Variants in CWF19L1 observed in about 807,000 individuals in gnomAD.
CWF19L1 encodes CWF19-like protein 1.
A neutral mutation model predicts 69.7 loss-of-function variants in CWF19L1; 60 were observed. That is an observed-to-expected ratio of 0.86 (90% CI 0.70 to 1.07). The LOEUF (loss-of-function observed/expected upper bound fraction) is 1.07. CWF19L1 is among the 50% of genes least tolerant of loss of function. The pLI is 0.00. For synonymous variants in CWF19L1, 209 were observed against 222.2 expected (o/e 0.94, Z 0.53); for missense variants, 591 against 638.9 (o/e 0.92, Z 0.81).
chr10:100,260,350 A>G (rs1332137359), intron 3 of CWF19L1, 31 bp from the exon 4 acceptor site: 11 of 1,240,260 alleles, frequency 8.9e-6, no homozygotes, highest in Non-Finnish European at 1.3e-5. Context: ...GACACCATAT[A>G]GTTACCAGAT....
At chr10:100,244,967 T>C (rs1463687980) in intron 9 of CWF19L1, among the ~76,000 whole-genome samples, 1 of 152,016 alleles carries the variant, frequency 6.6e-6, no homozygotes, top group Non-Finnish European at 1.5e-5. Context: ...TACATAATTC[T>C]AGATAAAAAT....
chr10:100,246,988 G>A, intron 7 of CWF19L1, 53 bp from the exon 8 acceptor site: 6 of 1,474,952 alleles, frequency 4.1e-6, no homozygotes, highest in South Asian at 1.3e-5. Flanking sequence ...TTACCCAACT[G>A]TAATCAACCT....
chr10:100,249,705 T>C (rs12254502), intron 7 of CWF19L1, among the ~76,000 whole-genome samples: 13,350 of 152,078 alleles, frequency 0.088, 1,166 homozygotes, highest in African/African-American at 0.22. Context: ...CTGCCTCAGC[T>C]TCCTGAGTAG....
chr10:100,265,108 G>C (rs1409970598), intron 1 of CWF19L1, among the ~76,000 whole-genome samples: 2 of 147,538 alleles, frequency 1.4e-5, no homozygotes, highest in South Asian at 4.2e-4. Context: ...GCGACAGTGA[G>C]ACCCTGTCTC....
At chr10:100,261,104 G>T in intron 2 of CWF19L1, 60 bp from the exon 3 acceptor site, 1 of 1,087,066 alleles carries the variant, frequency 9.2e-7, no homozygotes, top group Non-Finnish European at 1.4e-6. Context: ...GTACATAATT[G>T]ATAGTAATAT....
At chr10:100,255,720 G>C (rs1036634538) in intron 5 of CWF19L1, among the ~76,000 whole-genome samples, 1 of 144,930 alleles carries the variant, frequency 6.9e-6, no homozygotes, top group Non-Finnish European at 1.5e-5. Flanking sequence ...CAGAGATGGC[G>C]CCACTGCCCT....
At chr10:100,265,586 T>A (rs912494703) in intron 1 of CWF19L1, among the ~76,000 whole-genome samples, 4 of 151,034 alleles carry the variant, frequency 2.6e-5, no homozygotes, top group African/African-American at 9.8e-5. Flanking sequence ...AGTGGTGCGA[T>A]CTCGGCTCAC....
chr10:100,256,221 A>G (rs754193705), intron 5 of CWF19L1, 41 bp downstream of exon 5: 14 of 1,496,256 alleles, frequency 9.4e-6, no homozygotes, highest in Non-Finnish European at 1.3e-5. Context: ...AAGCCAGTGC[A>G]ATTTGCTTTT....
At chr10:100,266,881 T>C (rs560436046) in intron 1 of CWF19L1, among the ~76,000 whole-genome samples, 1 of 150,548 alleles carries the variant, frequency 6.6e-6, no homozygotes, top group South Asian at 2.1e-4. Flanking sequence ...AGTCTCGTTC[T>C]GTCGCCCAGG....
intron 7 of CWF19L1, 89 bp downstream of exon 7, chr10:100,250,159 G>A (rs1846975065): frequency 1.1e-6 from 1 of 901,806 alleles, no homozygotes; most frequent in South Asian, 1.3e-5. Flanking sequence ...TCAGGGAGAA[G>A]AGAAGATCTG....
chr10:100,232,651 G>C lies in CWF19L1; in HGVS notation c.*576C>G, dbSNP rs1379325507. Reference sequence around the variant, plus strand: ...TGGTCTCAAACTCCTCACCTCAGGTGATCCACCTGCCTCGGCTTCCCAAAG... The same window carrying C: ...TGGTCTCAAACTCCTCACCTCAGGTCATCCACCTGCCTCGGCTTCCCAAAG... On this transcript the variant is annotated 3_prime_UTR_variant, in exon 14 of 14. Coordinates refer to ENST00000354105, the MANE Select transcript of CWF19L1 (RefSeq NM_018294.6). 6.6e-6 allele frequency: 1 copy of C among 152,332 alleles called. No homozygotes were observed. Among genetic ancestry groups the C allele is most frequent in the Non-Finnish European group, 1.5e-5 (1 of 68,134 alleles). 9.4% of individuals were successfully genotyped at this position (152,332 alleles called of 1,614,324 possible).
Position 100,236,847 on chromosome 10 carries a change from C to A in CWF19L1, c.1374+3G>T. ...CCCTGAATATCACCATCCCCTGTTT[C>A]ACCTGCTTGATGTCAGAGTGCTCTG... On this transcript the variant is annotated splice_donor_region_variant and intron_variant, in intron 12 of 13. Coordinates refer to ENST00000354105, the MANE Select transcript of CWF19L1 (RefSeq NM_018294.6). 1 of 1,585,542 alleles carries A rather than the reference C, an allele frequency of 6.3e-7. No homozygotes were observed. The highest frequency in any genetic ancestry group is 8.5e-7 in the Non-Finnish European group (1 of 1,170,558).
At chr10:100,254,703 T>C (rs1403091272) in intron 5 of CWF19L1, 2 of 152,182 alleles carry the variant, frequency 1.3e-5, no homozygotes, top group Non-Finnish European at 2.9e-5. Flanking sequence ...TAAGCCTTGA[T>C]CAAAATCAAT....
At chr10:100,251,291 A>G (rs550356060) in intron 6 of CWF19L1, among the ~76,000 whole-genome samples, 13 of 152,274 alleles carry the variant, frequency 8.5e-5, no homozygotes, top group African/African-American at 2.9e-4. Context: ...AAGAACTGCT[A>G]AACAGTTTTC....
At chr10:100,267,486 G>C in intron 1 of CWF19L1, 85 bp downstream of exon 1, 1 of 1,611,964 alleles carries the variant, frequency 6.2e-7, no homozygotes, top group South Asian at 1.1e-5. Context: ...CTCCCTTCCC[G>C]TCATGGGAAA....
At chr10:100,264,003 G>A (rs1847488041) in intron 1 of CWF19L1, among the ~76,000 whole-genome samples, 1 of 152,162 alleles carries the variant, frequency 6.6e-6, no homozygotes, top group African/African-American at 2.4e-5. Flanking sequence ...CAATGTTTCG[G>A]TCAACAAGGG....
chr10:100,249,123 T>G, intron 7 of CWF19L1: 1 of 469,998 alleles, frequency 2.1e-6, no homozygotes, highest in South Asian at 2.1e-5. Context: ...ACAGCCCTGA[T>G]GATTCTTAAC....
At chr10:100,234,152 C>T (rs558973986) in intron 13 of CWF19L1, among the ~76,000 whole-genome samples, 198 of 152,036 alleles carry the variant, frequency 1.3e-3, no homozygotes, top group African/African-American at 4.4e-3. Context: ...GTTCATTTTC[C>T]ACTTTGAAGT....
chr10:100,266,014 A>G (rs1398779181), intron 1 of CWF19L1, among the ~76,000 whole-genome samples: 1 of 151,696 alleles, frequency 6.6e-6, no homozygotes, highest in East Asian at 1.9e-4. Context: ...TCGCCTACCA[A>G]CTCATTTCTC....
Sources: gnomAD v4.1 joint callset for allele counts (sites outside exome capture counted in the v4.1 genomes callset) on GRCh38, gnomAD v4.1.1 for gene constraint, MANE v1.5 for transcripts, NCBI Gene and HGNC (gene_info 2026-07-23, HGNC 2026-07-21) for gene names.